The following PLEKHA7 variants were observed in gnomAD, a reference collection of about 807,000 sequenced individuals.
PLEKHA7 encodes pleckstrin homology domain containing A7.
A neutral mutation model predicts 170.0 loss-of-function variants in PLEKHA7; 104 were observed. That is an observed-to-expected ratio of 0.61 (90% CI 0.52 to 0.72). PLEKHA7 has a LOEUF of 0.72. Among genes scored for constraint, PLEKHA7 ranks in the 30% least tolerant of loss-of-function variants. The pLI, the probability that PLEKHA7 is intolerant of heterozygous loss-of-function variation, is 0.00. For missense variants in PLEKHA7, 1,615 were observed against 1,671.7 expected, an observed-to-expected ratio of 0.97 and a Z score of 0.59; for synonymous variants, 648 against 660.8, an observed-to-expected ratio of 0.98 and a Z score of 0.30.
intron 4 of PLEKHA7, among the ~76,000 whole-genome samples, chr11:16,867,585 A>C (rs192432141): frequency 2.2e-3 from 331 of 152,358 alleles, no homozygotes; most frequent in Non-Finnish European, 3.5e-3. Flanking sequence ...TGCATAATTT[A>C]TAAAAACTGT....
Position 16,816,954 on chromosome 11 carries a change from G to A in PLEKHA7, c.1712C>T (p.Ser571Leu), listed in dbSNP as rs772989794. 33 of 1,611,568 alleles carry A rather than the reference G, an allele frequency of 2.0e-5. No homozygotes were observed. The highest frequency in any genetic ancestry group is 2.7e-5 in the African/African-American group (2 of 74,914). The change falls in exon 11 of 27, where the codon TCG becomes TTG. Residue 571 changes from serine to leucine, a missense_variant. Coordinates refer to ENST00000531066, the MANE Select transcript of PLEKHA7 (RefSeq NM_001329630.2). ...TGGGGGTCCTGGGGGAGGGATGTCC[G>A]AGGGAGATGGAGGCACAGAGATGGA... ...PRSISVPPSP[S>L]DIPPPGPPRV...
intron 3 of PLEKHA7, among the ~76,000 whole-genome samples, chr11:16,979,518 G>A (rs772325256): frequency 1.3e-5 from 2 of 152,140 alleles, no homozygotes; most frequent in Non-Finnish European, 2.9e-5. Flanking sequence ...TAGCTCTCCT[G>A]AATATTAAAC....
chr11:16,913,744 G>A (rs1858429447), intron 3 of PLEKHA7, among the ~76,000 whole-genome samples: 1 of 152,230 alleles, frequency 6.6e-6, no homozygotes, highest in African/African-American at 2.4e-5. Context: ...CAGGAAGCAA[G>A]TGAGCAGCAA....
intron 3 of PLEKHA7, among the ~76,000 whole-genome samples, chr11:16,977,961 C>T (rs1266417716): frequency 6.6e-6 from 1 of 152,172 alleles, no homozygotes; most frequent in Non-Finnish European, 1.5e-5. Context: ...TGAGGCAAGG[C>T]TTTCCCTCCC....
chr11:16,917,347 T>C (rs1294928293), intron 3 of PLEKHA7, among the ~76,000 whole-genome samples: 1 of 152,246 alleles, frequency 6.6e-6, no homozygotes, highest in African/African-American at 2.4e-5. Context: ...TAGCTTCCTA[T>C]TGCTGCTATA....
At chr11:17,004,384 C>CCTTTTT in intron 3 of PLEKHA7, among the ~76,000 whole-genome samples, 1 of 133,902 alleles carries the variant, frequency 7.5e-6, no homozygotes, top group South Asian at 2.7e-4. Flanking sequence ...CCTTTTTTTT[C>CCTTTTT]CTTTTTCTTT....
chr11:16,956,088 A>ACTTT (rs768133110), intron 3 of PLEKHA7, among the ~76,000 whole-genome samples: 1 of 152,262 alleles, frequency 6.6e-6, no homozygotes. Flanking sequence ...TTCTTTTTGT[A>ACTTT]CTTTCCACAG....
intron 3 of PLEKHA7, among the ~76,000 whole-genome samples, chr11:16,997,134 T>G (rs903643999): frequency 4.6e-5 from 7 of 152,028 alleles, no homozygotes; most frequent in African/African-American, 1.7e-4. Flanking sequence ...CAAGGTCATT[T>G]CTGTATTCAC....
intron 3 of PLEKHA7, among the ~76,000 whole-genome samples, chr11:16,900,906 C>T (rs1012255383): frequency 1.2e-4 from 18 of 150,408 alleles, no homozygotes; most frequent in African/African-American, 3.7e-4. Context: ...AGTGCAGTGG[C>T]GCGATCTCAG....
Position 16,791,442 on chromosome 11 carries a change from C to T in PLEKHA7, c.2746-243G>A, listed in dbSNP as rs1054318542. 88 of 627,650 alleles carry T rather than the reference C, an allele frequency of 1.4e-4. 1 individual carries two copies. Among genetic ancestry groups the T allele is most frequent in the Non-Finnish European group, 2.0e-5 (7 of 345,246 alleles). The allele number at this position is 627,650 out of a possible 1,614,324, so 38.9% of individuals were successfully genotyped here. ...ATTCCTCCAAGTGTTACCTGTATAA[C>T]TGTGTCCTGAAACCCAGGACTCAGG... On this transcript the variant is annotated intron_variant, in intron 19 of 26. Transcript: ENST00000531066. The surrounding 1 kb of genome is among the most constrained non-coding windows in gnomAD (Gnocchi z 4.5).
intron 3 of PLEKHA7, among the ~76,000 whole-genome samples, chr11:16,954,100 C>A (rs1409721011): frequency 6.6e-6 from 1 of 152,098 alleles, no homozygotes; most frequent in Admixed American, 6.5e-5. Context: ...CTCCACAAGG[C>A]AAGAGGGATT....
chr11:16,930,923 G>A (rs1859878677), intron 3 of PLEKHA7, among the ~76,000 whole-genome samples: 1 of 152,088 alleles, frequency 6.6e-6, no homozygotes, highest in African/African-American at 2.4e-5. Flanking sequence ...CAGAAATGAG[G>A]CTCCCTGCCG....
At chr11:17,002,070 C>A (rs1864698655) in intron 3 of PLEKHA7, among the ~76,000 whole-genome samples, 1 of 152,200 alleles carries the variant, frequency 6.6e-6, no homozygotes, top group East Asian at 1.9e-4. Flanking sequence ...AGGAGGTCCA[C>A]TTCCCAGAGC....
chr11:16,892,448 T>TGTTTTGTTTTG (rs1856710719), intron 3 of PLEKHA7, among the ~76,000 whole-genome samples: 1 of 106,350 alleles, frequency 9.4e-6, no homozygotes, highest in East Asian at 2.1e-4. Flanking sequence ...TGTTTTGTTT[T>TGTTTTGTTTTG]GTTTTGTTTT....
At position 16,900,161 on chromosome 11, in the gene PLEKHA7, C is replaced by T. The variant is rs115963758; in HGVS notation, c.222-28979G>A. On this transcript the variant is annotated intron_variant, in intron 3 of 26. Coordinates refer to ENST00000531066, the MANE Select transcript of PLEKHA7 (RefSeq NM_001329630.2). The stretch of plus-strand genomic sequence containing the variant: ...GAAATCCAGGTCACACTCCAAGTTG[C>T]TAACCTAATGTGTAATGGGAAAATA... Among the ~76,000 whole-genome samples, 313 of 152,360 alleles carry T rather than the reference C, an allele frequency of 2.1e-3. 1 individual carries two copies. Among genetic ancestry groups the T allele is most frequent in the African/African-American group, 7.1e-3 (296 of 41,586 alleles).
Position 16,855,950 on chromosome 11 carries a change from C to T in PLEKHA7, c.306-36G>A, listed in dbSNP as rs11024058. Reference sequence around the variant, plus strand: ...ACAGGGGATTCCAGTGAGTAAAAGCCGAGCTATAGAGTAGGAAGTGCAGTA... The same window carrying T: ...ACAGGGGATTCCAGTGAGTAAAAGCTGAGCTATAGAGTAGGAAGTGCAGTA... On this transcript the variant is annotated intron_variant, in intron 4 of 26. Transcript: ENST00000531066. 0.21 allele frequency: 317,673 copies of T among 1,532,960 alleles called. 36,179 individuals carry two copies. The highest frequency in any genetic ancestry group is 0.24 in the Non-Finnish European group (264,708 of 1,107,966). 95.0% of individuals were successfully genotyped at this position (1,532,960 alleles called of 1,614,324 possible).
At chr11:16,803,446 T>C in intron 13 of PLEKHA7, 151 bp from the exon 14 acceptor site, 1 of 715,762 alleles carries the variant, frequency 1.4e-6, no homozygotes, top group South Asian at 1.8e-5. Flanking sequence ...TGGGCCATAC[T>C]TCGCTATTTC....
chr11:16,948,227 A>T (rs188612805), intron 3 of PLEKHA7, among the ~76,000 whole-genome samples: 1 of 152,214 alleles, frequency 6.6e-6, no homozygotes, highest in African/African-American at 2.4e-5. Flanking sequence ...TTAGTTAGGC[A>T]GAAGAAATAA....
At chr11:16,858,826 G>A (rs375680664) in intron 4 of PLEKHA7, among the ~76,000 whole-genome samples, 104 of 152,260 alleles carry the variant, frequency 6.8e-4, no homozygotes, top group African/African-American at 2.3e-3. Context: ...CACCAGTGCA[G>A]TATAAAGCAC....
Sources: gnomAD v4.1 joint callset for allele counts (sites outside exome capture counted in the v4.1 genomes callset) on GRCh38, gnomAD v4.1.1 for gene constraint, Gnocchi (gnomAD v3.1) non-coding constraint, MANE v1.5 for transcripts, NCBI Gene and HGNC (gene_info 2026-07-23, HGNC 2026-07-21) for gene names.